Variants in VRK2 observed in about 807,000 individuals in gnomAD.
VRK2 encodes VRK serine/threonine kinase 2.
In VRK2, 60 loss-of-function variants were observed where a neutral mutation model predicts 57.6. That is an observed-to-expected ratio of 1.04 (90% CI 0.85 to 1.29). VRK2 has a LOEUF of 1.29. VRK2 is among the 50% of genes most tolerant of loss of function. The pLI, the probability that VRK2 is intolerant of heterozygous loss-of-function variation, is 0.00. For missense variants in VRK2, 705 were observed against 588.1 expected, an observed-to-expected ratio of 1.20 and a Z score of -2.06; for synonymous variants, 231 against 199.2, an observed-to-expected ratio of 1.16 and a Z score of -1.35.
chr2:58,123,066 A>G lies in VRK2; in HGVS notation c.544-35A>G, dbSNP rs367770997. 4.2e-5 allele frequency: 67 copies of G among 1,579,072 alleles called. No homozygotes were observed. In the African/African-American group the frequency reaches 8.2e-4, roughly 19 times the overall value. On this transcript the variant is annotated intron_variant, in intron 7 of 12. Coordinates refer to ENST00000340157, the MANE Select transcript of VRK2 (RefSeq NM_006296.7). Reference sequence around the variant, plus strand: ...ATAAAGGTTATGTTTTCAGAGGACAAAGGCATTATTCATTTGTCTGTGCTT... The same window carrying G: ...ATAAAGGTTATGTTTTCAGAGGACAGAGGCATTATTCATTTGTCTGTGCTT...
At chr2:58,108,155 A>T (rs571439772) in intron 7 of VRK2, among the ~76,000 whole-genome samples, 10 of 151,734 alleles carry the variant, frequency 6.6e-5, no homozygotes, top group African/African-American at 2.2e-4. Context: ...TCCTCTTCTT[A>T]CTCTCTTTTT....
chr2:57,974,410 T>A (rs1672185693), intron 1 of VRK2, among the ~76,000 whole-genome samples: 2 of 151,940 alleles, frequency 1.3e-5, no homozygotes. Flanking sequence ...ATATGGGATT[T>A]TTTTATAAAT....
At chr2:58,039,199 AT>A (rs1159831440) in intron 3 of VRK2, among the ~76,000 whole-genome samples, 5 of 152,168 alleles carry the variant, frequency 3.3e-5, no homozygotes, top group Non-Finnish European at 5.9e-5. Flanking sequence ...TTTTGAAAAG[AT>A]CCTCACATAG....
intron 1 of VRK2, among the ~76,000 whole-genome samples, chr2:57,923,489 A>C (rs1670423744): frequency 6.6e-6 from 1 of 151,348 alleles, no homozygotes; most frequent in African/African-American, 2.4e-5. Context: ...AATGATGTTG[A>C]GTACCTTTTC....
intron 7 of VRK2, among the ~76,000 whole-genome samples, chr2:58,118,432 A>T (rs532430907): frequency 1.2e-4 from 18 of 152,360 alleles, no homozygotes; most frequent in African/African-American, 4.1e-4. Context: ...CTACCAGAAA[A>T]TGAAAGGAAT....
At chr2:58,041,593 T>G (rs1010673437) in intron 3 of VRK2, among the ~76,000 whole-genome samples, 15 of 152,208 alleles carry the variant, frequency 9.9e-5, no homozygotes, top group Non-Finnish European at 1.8e-4. Flanking sequence ...AATATATTTC[T>G]TTGACATGTT....
intron 2 of VRK2, among the ~76,000 whole-genome samples, chr2:58,049,782 G>A (rs1558566270): frequency 6.6e-6 from 1 of 152,098 alleles, no homozygotes; most frequent in Non-Finnish European, 1.5e-5. Flanking sequence ...AAATACCTCC[G>A]TTGAGGGAAT....
Position 58,139,754 on chromosome 2 carries a change from T to G in VRK2, c.945T>G (p.Pro315=). Residue 315 remains proline, a synonymous_variant, in exon 11 of 13, where the codon CCT becomes CCG. Coordinates refer to ENST00000340157, the MANE Select transcript of VRK2 (RefSeq NM_006296.7). The part of the protein sequence containing the change: ...NYQALKKILN[P]HGIPLGPLDF... ...AAGCCCTCAAGAAAATTTTGAACCC[T>G]CATGGAATACCTTTAGGACCACTGG... 1 of 1,613,294 alleles carries G rather than the reference T, an allele frequency of 6.2e-7. No individual in the cohort carries two copies. Among genetic ancestry groups the G allele is most frequent in the South Asian group, 1.1e-5 (1 of 91,056 alleles).
chr2:57,967,764 A>C (rs952494200), intron 1 of VRK2, among the ~76,000 whole-genome samples: 2 of 152,162 alleles, frequency 1.3e-5, no homozygotes, highest in African/African-American at 4.8e-5. Context: ...CTCCTTAATC[A>C]GCTTTTCATT....
chr2:57,913,929 C>T (rs909310299), intron 1 of VRK2, among the ~76,000 whole-genome samples: 1 of 151,992 alleles, frequency 6.6e-6, no homozygotes, highest in East Asian at 1.9e-4. Context: ...AATGTAACCA[C>T]AATAAGTTAT....
intron 11 of VRK2, among the ~76,000 whole-genome samples, chr2:58,145,220 C>T (rs1681935410): frequency 6.6e-6 from 1 of 151,968 alleles, no homozygotes; most frequent in African/African-American, 2.4e-5. Context: ...TATTGACAGT[C>T]AGGCATCCCC....
At chr2:58,103,578 A>C (rs1427928709) in intron 7 of VRK2, among the ~76,000 whole-genome samples, 1 of 151,560 alleles carries the variant, frequency 6.6e-6, no homozygotes, top group African/African-American at 2.4e-5. Context: ...CCAATACGAA[A>C]GTAGCGAGAT....
intron 7 of VRK2, among the ~76,000 whole-genome samples, chr2:58,111,165 A>G (rs1319081760): frequency 6.6e-6 from 1 of 152,172 alleles, no homozygotes; most frequent in Non-Finnish European, 1.5e-5. Flanking sequence ...AAAATAACAA[A>G]ACCCTTGGAC....
At chr2:58,124,489 A>G (rs1678007543) in intron 8 of VRK2, among the ~76,000 whole-genome samples, 2 of 152,264 alleles carry the variant, frequency 1.3e-5, no homozygotes, top group South Asian at 4.1e-4. Flanking sequence ...ATGCTAAACC[A>G]AACAATTTTT....
chr2:58,012,924 T>C (rs570010105), intron 1 of VRK2, among the ~76,000 whole-genome samples: 1 of 152,220 alleles, frequency 6.6e-6, no homozygotes, highest in East Asian at 1.9e-4. Context: ...AAACTTTCAG[T>C]GTATTTTAGA....
chr2:58,035,759 C>T (rs1674254991), intron 3 of VRK2, among the ~76,000 whole-genome samples: 1 of 151,918 alleles, frequency 6.6e-6, no homozygotes, highest in Admixed American at 6.6e-5. Flanking sequence ...TATGAAAGGG[C>T]AGTAGAATCA....
At chr2:58,080,947 C>A (rs1364150547) in intron 2 of VRK2, among the ~76,000 whole-genome samples, 2 of 151,854 alleles carry the variant, frequency 1.3e-5, no homozygotes, top group African/African-American at 2.4e-5. Flanking sequence ...TGTGTAATTT[C>A]TTTTGTGTTT....
chr2:58,082,323 C>G (rs1671004048), intron 2 of VRK2, among the ~76,000 whole-genome samples: 1 of 151,546 alleles, frequency 6.6e-6, no homozygotes, highest in South Asian at 2.1e-4. Context: ...TTTGAAACTC[C>G]CAATTTTCTT....
intron 1 of VRK2, among the ~76,000 whole-genome samples, chr2:57,998,563 T>C (rs959701895): frequency 2.0e-5 from 3 of 152,164 alleles, no homozygotes; most frequent in African/African-American, 7.2e-5. Flanking sequence ...TTAAAGGTTA[T>C]TAACATTTTT....
Sources: allele counts gnomAD v4.1 joint callset (sites outside exome capture counted in the v4.1 genomes callset), GRCh38; gene constraint gnomAD v4.1.1; transcripts MANE v1.5; gene names NCBI Gene and HGNC (gene_info 2026-07-23, HGNC 2026-07-21).